Variants in SFMBT2 observed in about 807,000 individuals in gnomAD.
SFMBT2 encodes Scm like with four mbt domains 2.
SFMBT2 carries 38 observed loss-of-function variants against 110.1 expected under a neutral mutation model. The observed-to-expected ratio is 0.35, with a 90% CI of 0.27 to 0.45. SFMBT2 has a LOEUF of 0.45. SFMBT2 is among the 20% of genes least tolerant of loss of function. The pLI is 1.00. For synonymous variants in SFMBT2, 425 were observed against 425.4 expected, an observed-to-expected ratio of 1.00 and a Z score of 0.01; for missense variants, 1,011 against 1,094.9, an observed-to-expected ratio of 0.92 and a Z score of 1.08.
intron 4 of SFMBT2, among the ~76,000 whole-genome samples, chr10:7,343,254 G>A (rs1251959802): frequency 1.3e-5 from 2 of 151,834 alleles, no homozygotes; most frequent in East Asian, 1.9e-4. Context: ...AGTATTCCAT[G>A]GTGTATGTGT....
In SFMBT2 at chr10:7,367,282, TC is replaced by T. The variant is rs1844938719; in HGVS notation, c.436+366del. On this transcript the variant is annotated intron_variant, in intron 4 of 20. Transcript: ENST00000397167. The surrounding 1 kb of genome is among the most constrained non-coding windows in gnomAD (Gnocchi z 6.2). Reference sequence around the variant, plus strand: ...AAACACAAGACCTCAACTCCTGATGTCCTTTCAGCCTTCCTTTCTTACCCTC... The same window carrying T: ...AAACACAAGACCTCAACTCCTGATGTCTTTCAGCCTTCCTTTCTTACCCTC... 1.3e-5 allele frequency among the ~76,000 whole-genome samples: 1 copy of T among 79,116 alleles called. No individual in the cohort carries two copies. Among genetic ancestry groups the T allele is most frequent in the Non-Finnish European group, 2.7e-5 (1 of 37,264 alleles). The allele number at this position is 79,116 out of a possible 152,430, so 51.9% of individuals were successfully genotyped here.
At chr10:7,400,865 G>A (rs1350389909) in intron 1 of SFMBT2, among the ~76,000 whole-genome samples, 1 of 152,190 alleles carries the variant, frequency 6.6e-6, no homozygotes, top group East Asian at 1.9e-4. Context: ...AGGCGCGGTG[G>A]TTCGCGCCTG....
chr10:7,315,038 G>GAGGAAAGAA (rs1842956653), intron 4 of SFMBT2, among the ~76,000 whole-genome samples: 2 of 82,176 alleles, frequency 2.4e-5, no homozygotes, highest in Non-Finnish European at 4.8e-5. Flanking sequence ...AAGAAAGAAA[G>GAGGAAAGAA]AGAAAGAAAG....
intron 4 of SFMBT2, among the ~76,000 whole-genome samples, chr10:7,303,473 G>C (rs1205664644): frequency 6.6e-6 from 1 of 152,096 alleles, no homozygotes; most frequent in Non-Finnish European, 1.5e-5. Flanking sequence ...CGGAAAGATG[G>C]GGTAATCCGA....
intron 1 of SFMBT2, among the ~76,000 whole-genome samples, chr10:7,398,853 A>C (rs998183007): frequency 1.3e-5 from 2 of 152,230 alleles, no homozygotes; most frequent in South Asian, 2.1e-4. Context: ...TTTTAAGTAG[A>C]TCATGTGTTG....
At chr10:7,289,028 C>G (rs1842188226) in intron 4 of SFMBT2, among the ~76,000 whole-genome samples, 1 of 151,856 alleles carries the variant, frequency 6.6e-6, no homozygotes, top group African/African-American at 2.4e-5. Context: ...AGCCTCAAGC[C>G]CCCAGGTGTT....
At chr10:7,324,305 C>T (rs1294750840) in intron 4 of SFMBT2, among the ~76,000 whole-genome samples, 1 of 152,168 alleles carries the variant, frequency 6.6e-6, no homozygotes, top group Non-Finnish European at 1.5e-5. Context: ...ACCGCATATT[C>T]AGCTTATGAG....
chr10:7,287,937 G>A (rs1842145251), intron 4 of SFMBT2, among the ~76,000 whole-genome samples: 1 of 152,078 alleles, frequency 6.6e-6, no homozygotes, highest in Non-Finnish European at 1.5e-5. Flanking sequence ...TGCTTATAAG[G>A]GGTGTTCTAA....
At chr10:7,340,985 T>C (rs1370427071) in intron 4 of SFMBT2, among the ~76,000 whole-genome samples, 1 of 152,184 alleles carries the variant, frequency 6.6e-6, no homozygotes, top group African/African-American at 2.4e-5. Context: ...GAGCACTCTA[T>C]AGAACCAAAT....
chr10:7,205,400 G>A (rs1811752634), intron 12 of SFMBT2: 1 of 984,950 alleles, frequency 1.0e-6, no homozygotes, highest in Middle Eastern at 5.2e-4. Flanking sequence ...CTGGTTAAGT[G>A]TTTATAAGAA....
At chr10:7,384,238 A>AAAAAAAAAAAAAAAAAT (rs1554812962) in intron 1 of SFMBT2, among the ~76,000 whole-genome samples, 16 of 145,410 alleles carry the variant, frequency 1.1e-4, no homozygotes, top group Non-Finnish European at 1.5e-4. Context: ...AAAAAAAAAA[A>AAAAAAAAAAAAAAAAAT]CAACCACAGA....
In SFMBT2 at chr10:7,166,715, G is replaced by A. The variant is rs141013543; in HGVS notation, c.2545-2805C>T. Among the ~76,000 whole-genome samples, 1,041 of 152,296 alleles carry A rather than the reference G, an allele frequency of 6.8e-3. 10 individuals carry two copies. Among genetic ancestry groups the A allele is most frequent in the Admixed American group, 0.012 (177 of 15,298 alleles). On this transcript the variant is annotated intron_variant, in intron 20 of 20. Coordinates refer to ENST00000397167, the MANE Select transcript of SFMBT2 (RefSeq NM_001387889.1). ...AGCCAGTCTTATAGGGGTGCTGAAAGGGCTTCGAACTGAGACTTCAGGGAC... is the reference window on the plus strand; with the variant it reads ...AGCCAGTCTTATAGGGGTGCTGAAAAGGCTTCGAACTGAGACTTCAGGGAC...
chr10:7,371,769 G>A (rs1160106777), intron 2 of SFMBT2, among the ~76,000 whole-genome samples: 2 of 152,082 alleles, frequency 1.3e-5, no homozygotes, highest in Admixed American at 6.6e-5. Flanking sequence ...CTAGAAACAA[G>A]AGCCTGTGTC....
chr10:7,286,236 A>G lies in SFMBT2; in HGVS notation c.437-282T>C, dbSNP rs1272992404. On this transcript the variant is annotated intron_variant, in intron 4 of 20. Transcript: ENST00000397167. Reference sequence around the variant, plus strand: ...TTTAGAAACTTTTCACAAACCACAAAGAAATTATAAAGTGTACAATTCAGG... The same window carrying G: ...TTTAGAAACTTTTCACAAACCACAAGGAAATTATAAAGTGTACAATTCAGG... 1.0e-4 allele frequency: 18 copies of G among 174,532 alleles called. No individual in the cohort carries two copies. In the Admixed American group the frequency reaches 1.2e-3, roughly 11 times the overall value. The allele number at this position is 174,532 out of a possible 1,614,324, so 10.8% of individuals were successfully genotyped here.
chr10:7,205,960 A>C, intron 11 of SFMBT2, 32 bp from the exon 12 acceptor site: 1 of 1,612,092 alleles, frequency 6.2e-7, no homozygotes, highest in Non-Finnish European at 8.5e-7. Context: ...CAAGAGGTAC[A>C]AACAGATCTT....
intron 14 of SFMBT2, among the ~76,000 whole-genome samples, chr10:7,199,485 G>C (rs12245006): frequency 0.14 from 20,700 of 152,106 alleles, 1,602 homozygotes; most frequent in African/African-American, 0.2. Context: ...AACCAGCAGA[G>C]GTAGGAAGCA....
intron 8 of SFMBT2, among the ~76,000 whole-genome samples, chr10:7,246,537 G>A (rs1414315833): frequency 6.6e-6 from 1 of 151,934 alleles, no homozygotes; most frequent in Non-Finnish European, 1.5e-5. Context: ...TGGTCAAGAC[G>A]GTGAAACCCC....
intron 7 of SFMBT2, among the ~76,000 whole-genome samples, chr10:7,258,352 A>G (rs1841096006): frequency 6.6e-6 from 1 of 152,176 alleles, no homozygotes. Flanking sequence ...GCTTATTTGG[A>G]TATAAAATAA....
intron 9 of SFMBT2, among the ~76,000 whole-genome samples, chr10:7,242,934 C>A (rs1840480942): frequency 6.6e-6 from 1 of 152,186 alleles, no homozygotes; most frequent in African/African-American, 2.4e-5. Flanking sequence ...CTTTATTATT[C>A]TTCTCTTAGT....
Sources: allele counts gnomAD v4.1 joint callset (sites outside exome capture counted in the v4.1 genomes callset), GRCh38; gene constraint gnomAD v4.1.1; non-coding constraint Gnocchi (gnomAD v3.1); transcripts MANE v1.5; gene names NCBI Gene and HGNC (gene_info 2026-07-23, HGNC 2026-07-21).